Variants in PREPL observed in about 807,000 individuals in gnomAD.
The protein encoded by PREPL is prolyl endopeptidase-like.
A neutral mutation model predicts 70.6 loss-of-function variants in PREPL; 77 were observed. The ratio of observed to expected loss-of-function variants is 1.09; its 90% CI spans 0.91 to 1.32. The LOEUF (loss-of-function observed/expected upper bound fraction) is 1.32, where lower values mean the gene tolerates loss of function less well. Among genes scored for constraint, PREPL ranks in the 40% most tolerant of loss-of-function variants. The pLI, the probability that PREPL is intolerant of heterozygous loss-of-function variation, is 0.00. For missense variants in PREPL, 1,002 were observed against 778.2 expected, an observed-to-expected ratio of 1.29 and a Z score of -3.42; for synonymous variants, 315 against 264.8, an observed-to-expected ratio of 1.19 and a Z score of -1.84.
At chr2:44,344,083 G>C in intron 3 of PREPL, 132 bp from the exon 4 acceptor site, 2 of 1,028,988 alleles carry the variant, frequency 1.9e-6, no homozygotes, top group South Asian at 3.5e-5. Flanking sequence ...CAACAATGAT[G>C]GCAGCTTAAC....
At chr2:44,353,814 A>C (rs1035812973) in intron 1 of PREPL, among the ~76,000 whole-genome samples, 3 of 152,088 alleles carry the variant, frequency 2.0e-5, no homozygotes, top group Non-Finnish European at 4.4e-5. Context: ...ATCCACAAGC[A>C]AAATAATAAA....
chr2:44,355,772 T>C (rs891517735), intron 1 of PREPL, among the ~76,000 whole-genome samples: 4 of 110,500 alleles, frequency 3.6e-5, no homozygotes, highest in Admixed American at 2.9e-4. Flanking sequence ...TATATATATA[T>C]ATATATACAC....
At position 44,319,363 on chromosome 2, in the gene PREPL, AATCT is replaced by A. The variant is rs1196689526; in HGVS notation, c.*1989_*1992del. On this transcript the variant is annotated 3_prime_UTR_variant, in exon 14 of 14. Coordinates refer to ENST00000409411, the MANE Select transcript of PREPL (RefSeq NM_001171613.2). ...TTGACAAAGTAACTGTCTTTCTGAT[AATCT>A]ATCTTAAGTAATACAAAAATGGGGG... The A allele has an allele frequency of 3.9e-5, 6 of 152,632 alleles. No individual in the cohort carries two copies. The highest frequency in any genetic ancestry group is 1.2e-4 in the African/African-American group (5 of 41,452). 9.5% of individuals were successfully genotyped at this position (152,632 alleles called of 1,614,324 possible).
At chr2:44,336,379 T>C (rs1674641072) in intron 7 of PREPL, among the ~76,000 whole-genome samples, 1 of 152,158 alleles carries the variant, frequency 6.6e-6, no homozygotes, top group African/African-American at 2.4e-5. Flanking sequence ...GATAATGTTC[T>C]TTGCAGCAAC....
At chr2:44,327,570 G>A (rs1259437806) in intron 9 of PREPL, among the ~76,000 whole-genome samples, 1 of 152,124 alleles carries the variant, frequency 6.6e-6, no homozygotes, top group Non-Finnish European at 1.5e-5. Flanking sequence ...TAAAAGACAT[G>A]ACTTTGGGGG....
chr2:44,342,124 C>T (rs909874628), intron 5 of PREPL, among the ~76,000 whole-genome samples: 1 of 152,134 alleles, frequency 6.6e-6, no homozygotes, highest in Non-Finnish European at 1.5e-5. Context: ...AGTCTGTTCA[C>T]AATCTAGCAG....
chr2:44,320,028 G>A lies in PREPL; in HGVS notation c.*1328C>T. On this transcript the variant is annotated 3_prime_UTR_variant, in exon 14 of 14. Coordinates refer to ENST00000409411, the MANE Select transcript of PREPL (RefSeq NM_001171613.2). ...AACCCCGAATTTGTCATTTCTATCA[G>A]TTTTTATATAAATTGTTCTTACCTA... 1.6e-6 allele frequency: 1 copy of A among 616,126 alleles called. No homozygotes were observed. The highest frequency in any genetic ancestry group is 2.8e-6 in the Non-Finnish European group (1 of 353,564). 38.2% of individuals were successfully genotyped at this position (616,126 alleles called of 1,614,324 possible).
In PREPL at chr2:44,329,094, T is replaced by G; in HGVS notation, c.1105A>C (p.Met369Leu). The part of the protein sequence containing the change: ...AKSKDGKLVP[M>L]TVFHKTDSED... ...GAGTCAGTTTTGTGGAAAACAGTCA[T>G]TGGCACTAATTTTCCATCCTAGAAA... Residue 369 changes from methionine to leucine, a missense_variant, in exon 9 of 14, where the codon ATG (methionine) becomes CTG (leucine). By Grantham distance (15) the Met-to-Leu change is conservative. Coordinates refer to ENST00000409411, the MANE Select transcript of PREPL (RefSeq NM_001171613.2). The G allele has an allele frequency of 1.2e-6, 2 of 1,601,190 alleles. No individual in the cohort carries two copies. The highest frequency in any genetic ancestry group is 1.7e-6 in the Non-Finnish European group (2 of 1,169,802).
At chr2:44,326,443 C>T (rs1673499822) in intron 10 of PREPL, among the ~76,000 whole-genome samples, 1 of 142,080 alleles carries the variant, frequency 7.0e-6, no homozygotes. Flanking sequence ...GCACAGTGGT[C>T]CACTGCAGCC....
rs913248052 is a variant in PREPL at position 44,318,436 on chromosome 2, T to A, written c.*2920A>T. On this transcript the variant is annotated 3_prime_UTR_variant, in exon 14 of 14. Coordinates refer to ENST00000409411, the MANE Select transcript of PREPL (RefSeq NM_001171613.2). ...GAAGACACAAGAAATGATTTAAATATTTTATCAACAGAAAACCAGTTCTAT... is the reference window on the plus strand; with the variant it reads ...GAAGACACAAGAAATGATTTAAATAATTTATCAACAGAAAACCAGTTCTAT... The A allele has an allele frequency of 1.1e-5, 2 of 181,372 alleles. No homozygotes were observed. The highest frequency in any genetic ancestry group is 2.4e-5 in the Non-Finnish European group (2 of 84,830). 11.2% of individuals were successfully genotyped at this position (181,372 alleles called of 1,614,324 possible).
chr2:44,333,255 A>G (rs1674302406), intron 7 of PREPL, among the ~76,000 whole-genome samples: 1 of 152,204 alleles, frequency 6.6e-6, no homozygotes, highest in Non-Finnish European at 1.5e-5. Context: ...TGAGAGACTC[A>G]CAGCTATTAT....
At chr2:44,343,620 T>C in intron 4 of PREPL, 125 bp downstream of exon 4, 1 of 768,362 alleles carries the variant, frequency 1.3e-6, no homozygotes, top group Non-Finnish European at 2.2e-6. Flanking sequence ...TAGGAAGATG[T>C]ATAGTCCATA....
intron 10 of PREPL, 34 bp downstream of exon 10, chr2:44,326,678 C>T (rs749733532): frequency 6.3e-7 from 1 of 1,589,224 alleles, no homozygotes; most frequent in Admixed American, 1.7e-5. Flanking sequence ...ACACCTCCCC[C>T]ATTCTATAAA....
chr2:44,322,975 C>A, intron 11 of PREPL, 121 bp from the exon 12 acceptor site: 1 of 1,340,350 alleles, frequency 7.5e-7, no homozygotes, highest in African/African-American at 1.5e-5. Flanking sequence ...CTTTTTCTCA[C>A]TTGCTATCTT....
intron 1 of PREPL, among the ~76,000 whole-genome samples, chr2:44,349,678 T>C (rs1284711886): frequency 1.3e-5 from 2 of 152,012 alleles, no homozygotes; most frequent in African/African-American, 4.8e-5. Flanking sequence ...GAAAAAAGAA[T>C]ACGAGGCCGG....
At chr2:44,334,809 A>T (rs909584111) in intron 7 of PREPL, among the ~76,000 whole-genome samples, 1 of 152,138 alleles carries the variant, frequency 6.6e-6, no homozygotes, top group African/African-American at 2.4e-5. Context: ...TGAACTCCTG[A>T]CCTCAGGTGA....
chr2:44,340,366 A>G (rs933826939), intron 5 of PREPL, among the ~76,000 whole-genome samples: 6 of 152,128 alleles, frequency 3.9e-5, no homozygotes, highest in Non-Finnish European at 7.4e-5. Flanking sequence ...ATAATATCCT[A>G]GAAGCACTAT....
chr2:44,339,098 G>A, intron 6 of PREPL, 49 bp downstream of exon 6: 2 of 1,602,396 alleles, frequency 1.2e-6, no homozygotes, highest in Non-Finnish European at 1.7e-6. Context: ...TGATCGAAGT[G>A]TGACACTTCT....
chr2:44,328,349 A>C (rs1296752663), intron 9 of PREPL, among the ~76,000 whole-genome samples: 1 of 147,156 alleles, frequency 6.8e-6, no homozygotes, highest in Non-Finnish European at 1.5e-5. Context: ...AAGCATGAGA[A>C]TCACTTGAAC....
Sources: gnomAD v4.1 joint callset for allele counts (sites outside exome capture counted in the v4.1 genomes callset) on GRCh38, gnomAD v4.1.1 for gene constraint, MANE v1.5 for transcripts, NCBI Gene and HGNC (gene_info 2026-07-23, HGNC 2026-07-21) for gene names.